The following CUX1 variants were observed in gnomAD, a reference collection of about 807,000 sequenced individuals.
CUX1 encodes the protein protein CASP.
A neutral mutation model predicts 158.8 loss-of-function variants in CUX1; 31 were observed. That is an observed-to-expected ratio of 0.20 (90% CI 0.15 to 0.26). The LOEUF (loss-of-function observed/expected upper bound fraction) is 0.26, where lower values mean the gene tolerates loss of function less well. Ranked by LOEUF, CUX1 falls within the 10% of genes least tolerant of loss-of-function variation. The probability of loss-of-function intolerance (pLI) is 1.00; values close to 1 mark genes in which losing one functional copy is unlikely to be tolerated. For synonymous variants in CUX1, 879 were observed against 862.1 expected (o/e 1.02, Z -0.34); for missense variants, 1,589 against 2,014.6 (o/e 0.79, Z 4.04).
In CUX1 at chr7:102,078,881, G is replaced by A. The variant is rs549713389; in HGVS notation, c.268+8464G>A. Among the ~76,000 whole-genome samples the A allele has an allele frequency of 2.9e-4, 44 of 152,274 alleles. 1 individual carries two copies. Among genetic ancestry groups the A allele is most frequent in the Admixed American group, 2.2e-3 (33 of 15,294 alleles). On this transcript the variant is annotated intron_variant, in intron 4 of 23. Transcript: ENST00000292535. The stretch of plus-strand genomic sequence containing the variant: ...CCCTGGGAGAGGTTTCATTTTGGAT[G>A]TAGGAAAACCATCTCTCCTGGTGAC...
chr7:101,886,682 C>T (rs1393123540), intron 1 of CUX1, among the ~76,000 whole-genome samples: 1 of 152,142 alleles, frequency 6.6e-6, no homozygotes, highest in African/African-American at 2.4e-5. Context: ...CCCATGCCAG[C>T]CTCACTGAGG....
intron 11 of CUX1, among the ~76,000 whole-genome samples, chr7:102,188,418 G>A (rs1793866146): frequency 6.6e-6 from 1 of 152,058 alleles, no homozygotes; most frequent in African/African-American, 2.4e-5. Flanking sequence ...AAGCAAACTA[G>A]TCCAAAAACA....
chr7:102,071,107 C>A (rs10230856), intron 4 of CUX1, among the ~76,000 whole-genome samples: 7,946 of 151,912 alleles, frequency 0.052, 258 homozygotes, highest in African/African-American at 0.091. Context: ...CGTGCCACCA[C>A]ATTCAGCTAA....
intron 2 of CUX1, among the ~76,000 whole-genome samples, chr7:101,966,256 G>T (rs568415945): frequency 6.6e-6 from 1 of 151,250 alleles, no homozygotes; most frequent in Non-Finnish European, 1.5e-5. Context: ...TGTAGAGGTG[G>T]TGTTTCAGCA....
In CUX1 at chr7:102,257,464, C is replaced by G; in HGVS notation, c.*8422C>G. 1 of 985,134 alleles carries G rather than the reference C, an allele frequency of 1.0e-6. No individual in the cohort carries two copies. The allele number at this position is 985,134 out of a possible 1,614,324, so 61.0% of individuals were successfully genotyped here. A position where few individuals can be genotyped will look rare whatever the true frequency, so the allele number is the denominator to read the frequency against. On this transcript the variant is annotated 3_prime_UTR_variant, in exon 24 of 24. Transcript: ENST00000292535. ...TATTCTGGAGATGTGAGAATTCACC[C>G]AAAATTCTTAAAACATTGGAGAATA...
chr7:102,065,824 C>T (rs1377301448), intron 3 of CUX1, among the ~76,000 whole-genome samples: 1 of 151,748 alleles, frequency 6.6e-6, no homozygotes, highest in Admixed American at 6.6e-5. Flanking sequence ...TGGAGTCTCG[C>T]TCTGTCGCCA....
intron 10 of CUX1, among the ~76,000 whole-genome samples, chr7:102,170,881 C>T (rs997648654): frequency 3.3e-5 from 5 of 151,128 alleles, no homozygotes; most frequent in Non-Finnish European, 5.9e-5. Context: ...GGTGCAGACC[C>T]GAACCAGGAG....
intron 2 of CUX1, among the ~76,000 whole-genome samples, chr7:102,024,936 C>G (rs1017339714): frequency 1.1e-4 from 17 of 152,180 alleles, no homozygotes; most frequent in African/African-American, 4.1e-4. Context: ...TGCTCGAGTT[C>G]AGGAGTCCAA....
intron 2 of CUX1, among the ~76,000 whole-genome samples, chr7:101,991,714 G>A (rs931968501): frequency 4.7e-5 from 7 of 150,064 alleles, no homozygotes; most frequent in Non-Finnish European, 7.4e-5. Flanking sequence ...AGCTGAGATC[G>A]CGCCACTGCA....
intron 3 of CUX1, among the ~76,000 whole-genome samples, chr7:102,050,102 C>G (rs957945070): frequency 2.0e-5 from 3 of 152,122 alleles, no homozygotes; most frequent in Non-Finnish European, 4.4e-5. Flanking sequence ...CTCCTGGGTT[C>G]CTGCTTAAAG....
chr7:102,258,232 A>G lies in CUX1; in HGVS notation c.*9190A>G. On this transcript the variant is annotated 3_prime_UTR_variant, in exon 24 of 24. Coordinates refer to ENST00000292535, the MANE Select transcript of CUX1 (RefSeq NM_181552.4). ...AAGTAAATATCTTTTATACAAACAC[A>G]AGAATGTGTGGGTTGTTTTTATTTA... The G allele has an allele frequency of 1.0e-6, 1 of 965,478 alleles. No individual in the cohort carries two copies. The highest frequency in any genetic ancestry group is 1.2e-6 in the Non-Finnish European group (1 of 811,748). The allele number at this position is 965,478 out of a possible 1,614,324, so 59.8% of individuals were successfully genotyped here.
chr7:102,168,919 TTTTC>T (rs782188866), intron 9 of CUX1, among the ~76,000 whole-genome samples: 2,073 of 73,384 alleles, frequency 0.028, 73 homozygotes, highest in Non-Finnish European at 0.037. Context: ...TTTTATTTTC[TTTTC>T]TTTTCTTTTA....
chr7:102,194,069 T>G, intron 13 of CUX1, 179 bp downstream of exon 13: 1 of 669,464 alleles, frequency 1.5e-6, no homozygotes, highest in Non-Finnish European at 2.6e-6. Flanking sequence ...TTTTGTCTCC[T>G]TTTTTTCCAT....
rs199535463 is a variant in CUX1 at position 102,111,755 on chromosome 7, G to A, written c.588G>A (p.Lys196=). 6.8e-6 allele frequency: 11 copies of A among 1,614,138 alleles called. No individual in the cohort carries two copies. ...TTSKLEEAEH[K]VQSLQTALEK... The stretch of plus-strand genomic sequence containing the variant: ...CAAAGCTGGAGGAAGCTGAGCATAA[G>A]GTTCAGAGCCTACAAACAGGTTTGA... Residue 196 remains lysine (K), a synonymous_variant, in exon 7 of 24, where the codon AAG becomes AAA. Transcript: ENST00000292535.
intron 4 of CUX1, among the ~76,000 whole-genome samples, chr7:102,084,858 CTTT>C (rs60908109): frequency 0.059 from 3,282 of 56,060 alleles, 107 homozygotes; most frequent in African/African-American, 0.21. Context: ...ATTTTCCTTG[CTTT>C]TTTTTTTTTT....
At chr7:102,161,370 G>A (rs1021910978) in intron 9 of CUX1, 14 of 152,080 alleles carry the variant, frequency 9.2e-5, no homozygotes, top group Non-Finnish European at 1.8e-4. Context: ...AGAAGTAGAT[G>A]CCTAAATAAA....
chr7:102,257,611 CG>C lies in CUX1; in HGVS notation c.*8572del. The C allele has an allele frequency of 1.0e-6, 1 of 985,390 alleles. No individual in the cohort carries two copies. Among genetic ancestry groups the C allele is most frequent in the Non-Finnish European group, 1.2e-6 (1 of 829,924 alleles). 61.0% of individuals were successfully genotyped at this position (985,390 alleles called of 1,614,324 possible). A position where few individuals can be genotyped will look rare whatever the true frequency, so the allele number is the denominator to read the frequency against. On this transcript the variant is annotated 3_prime_UTR_variant, in exon 24 of 24. Transcript: ENST00000292535. ...AACTCTTTGCTGCTTGCCTTGAGAG[CG>C]GGTAGCACCACGCTCCTGTCCAGAC... is the stretch of plus-strand genomic sequence containing the variant.
intron 8 of CUX1, among the ~76,000 whole-genome samples, chr7:102,127,404 C>T (rs111709573): frequency 0.075 from 11,418 of 151,962 alleles, 625 homozygotes; most frequent in African/African-American, 0.15. Context: ...AGGGTCTTGC[C>T]GTGTTGCCCA....
intron 2 of CUX1, among the ~76,000 whole-genome samples, chr7:101,969,568 T>C (rs1811680183): frequency 6.6e-6 from 1 of 152,132 alleles, no homozygotes; most frequent in Non-Finnish European, 1.5e-5. Context: ...TTTCAGCCTT[T>C]CCAGCGTGCA....
Sources: allele counts gnomAD v4.1 joint callset (sites outside exome capture counted in the v4.1 genomes callset), GRCh38; gene constraint gnomAD v4.1.1; transcripts MANE v1.5; gene names NCBI Gene and HGNC (gene_info 2026-07-23, HGNC 2026-07-21).